The following FAT3 variants were observed in gnomAD, a reference collection of about 807,000 sequenced individuals.
FAT3 encodes FAT atypical cadherin 3, also known as protocadherin Fat 3.
A neutral mutation model predicts 310.2 loss-of-function variants in FAT3; 95 were observed. The ratio of observed to expected loss-of-function variants is 0.31; its 90% CI spans 0.26 to 0.36. The LOEUF is 0.36. FAT3 is among the 10% of genes least tolerant of loss of function. The pLI is 1.00. For missense variants in FAT3, 5,408 were observed against 5,715.6 expected, an observed-to-expected ratio of 0.95 and a Z score of 1.74; for synonymous variants, 2,314 against 2,192.9, an observed-to-expected ratio of 1.06 and a Z score of -1.54.
At chr11:92,515,374 T>TA (rs1402954368) in intron 2 of FAT3, among the ~76,000 whole-genome samples, 9 of 152,146 alleles carry the variant, frequency 5.9e-5, no homozygotes, top group Non-Finnish European at 1.3e-4. Context: ...TACCAAGATG[T>TA]ACCAAAAAGT....
intron 7 of FAT3, among the ~76,000 whole-genome samples, chr11:92,778,750 C>T (rs1316142587): frequency 2.0e-5 from 3 of 151,982 alleles, no homozygotes; most frequent in Non-Finnish European, 4.4e-5. Flanking sequence ...ATGCAGCCCC[C>T]GACACTCCCT....
intron 2 of FAT3, among the ~76,000 whole-genome samples, chr11:92,373,945 C>T (rs1949267565): frequency 6.6e-6 from 1 of 151,560 alleles, no homozygotes; most frequent in Non-Finnish European, 1.5e-5. Context: ...TAGCATGGGT[C>T]AATTCAAGTT....
chr11:92,533,215 A>G (rs943189891), intron 3 of FAT3, among the ~76,000 whole-genome samples: 1 of 151,974 alleles, frequency 6.6e-6, no homozygotes, highest in Non-Finnish European at 1.5e-5. Context: ...TATTTTAGAA[A>G]TGGGGTCTCA....
chr11:92,466,017 A>G (rs969591247), intron 2 of FAT3, among the ~76,000 whole-genome samples: 7 of 152,208 alleles, frequency 4.6e-5, no homozygotes, highest in African/African-American at 1.7e-4. Context: ...TTTCATGTAC[A>G]TCACCTGATT....
chr11:92,595,023 GTGTA>G (rs1052977590), intron 3 of FAT3, among the ~76,000 whole-genome samples: 2 of 151,924 alleles, frequency 1.3e-5, no homozygotes, highest in African/African-American at 4.8e-5. Context: ...GTGTGTGTGT[GTGTA>G]TCCTTTGGAG....
intron 1 of FAT3, among the ~76,000 whole-genome samples, chr11:92,280,904 C>T (rs1225934813): frequency 5.3e-5 from 8 of 152,080 alleles, no homozygotes; most frequent in Admixed American, 3.9e-4. Context: ...TTTATTTGTT[C>T]TTCAAAACTC....
At chr11:92,832,458 T>C (rs1286151221) in intron 14 of FAT3, among the ~76,000 whole-genome samples, 1 of 152,038 alleles carries the variant, frequency 6.6e-6, no homozygotes, top group East Asian at 1.9e-4. Flanking sequence ...AGGAAACAAA[T>C]CTGTTAGCAG....
intron 2 of FAT3, among the ~76,000 whole-genome samples, chr11:92,444,025 G>A (rs1749691071): frequency 6.6e-6 from 1 of 152,158 alleles, no homozygotes; most frequent in Admixed American, 6.6e-5. Context: ...GCTTAAAAGA[G>A]AGCTGGTATT....
chr11:92,280,975 T>C (rs1393180790), intron 1 of FAT3, among the ~76,000 whole-genome samples: 1 of 152,192 alleles, frequency 6.6e-6, no homozygotes, highest in Non-Finnish European at 1.5e-5. Flanking sequence ...TAAGAATCTG[T>C]TTTAGTGAAA....
intron 3 of FAT3, among the ~76,000 whole-genome samples, chr11:92,696,284 G>A (rs1356228096): frequency 6.6e-6 from 1 of 152,130 alleles, no homozygotes; most frequent in Admixed American, 6.5e-5. Flanking sequence ...GTGGAGAGGA[G>A]GGGCTAGCTT....
chr11:92,562,771 G>T (rs1314400214), intron 3 of FAT3, among the ~76,000 whole-genome samples: 1 of 152,162 alleles, frequency 6.6e-6, no homozygotes, highest in Non-Finnish European at 1.5e-5. Context: ...AGAAGATGTT[G>T]ATGTTTCAGT....
At chr11:92,890,000 T>G in intron 27 of FAT3, 109 bp downstream of exon 27, 1 of 716,340 alleles carries the variant, frequency 1.4e-6, no homozygotes, top group Non-Finnish European at 2.6e-6. Context: ...TTTGCATGTC[T>G]CAGGTGTCTC....
intron 2 of FAT3, among the ~76,000 whole-genome samples, chr11:92,480,502 CAT>C (rs757071830): frequency 8.3e-4 from 126 of 152,222 alleles, no homozygotes; most frequent in Middle Eastern, 3.4e-3. Context: ...GAATGCAACT[CAT>C]AGGGTGAAAG....
chr11:92,597,380 C>G (rs1939765767), intron 3 of FAT3, among the ~76,000 whole-genome samples: 1 of 152,180 alleles, frequency 6.6e-6, no homozygotes, highest in Non-Finnish European at 1.5e-5. Flanking sequence ...GAGTTTAGAT[C>G]TTTTGCCCAG....
At chr11:92,280,717 C>G (rs1261631648) in intron 1 of FAT3, among the ~76,000 whole-genome samples, 1 of 152,110 alleles carries the variant, frequency 6.6e-6, no homozygotes, top group Non-Finnish European at 1.5e-5. Context: ...ATTGTCTGCC[C>G]ATTTCTCCAG....
chr11:92,621,756 G>A (rs181368316), intron 3 of FAT3, among the ~76,000 whole-genome samples: 19 of 152,202 alleles, frequency 1.2e-4, no homozygotes, highest in Admixed American at 4.6e-4. Context: ...GCTTGAATTC[G>A]TATATTAAGA....
chr11:92,224,973 C>G lies in FAT3; in HGVS notation c.-219C>G, dbSNP rs1863839241. ...CATCTCGGCTCCCCTCCTCCGCTTG[C>G]GAACCCCCGGCGGCGGCGGCGGCGG... On this transcript the variant is annotated 5_prime_UTR_variant, in exon 1 of 28. Transcript: ENST00000525166. 6.6e-6 allele frequency among the ~76,000 whole-genome samples: 1 copy of G among 152,078 alleles called. No individual in the cohort carries two copies. The highest frequency in any genetic ancestry group is 2.4e-5 in the African/African-American group (1 of 41,420).
intron 2 of FAT3, among the ~76,000 whole-genome samples, chr11:92,391,897 C>T (rs1949758740): frequency 6.6e-6 from 1 of 152,180 alleles, no homozygotes; most frequent in South Asian, 2.1e-4. Context: ...TTGAGATAAA[C>T]AGGACCAGTG....
intron 2 of FAT3, among the ~76,000 whole-genome samples, chr11:92,453,175 G>A (rs1433691077): frequency 6.6e-6 from 1 of 152,154 alleles, no homozygotes; most frequent in Non-Finnish European, 1.5e-5. Context: ...GAAAGGATTT[G>A]AATGTTAAGA....
Sources: allele counts gnomAD v4.1 joint callset (sites outside exome capture counted in the v4.1 genomes callset), GRCh38; gene constraint gnomAD v4.1.1; transcripts MANE v1.5; gene names NCBI Gene and HGNC (gene_info 2026-07-23, HGNC 2026-07-21).